Variants in LARGE1 observed in about 807,000 individuals in gnomAD.
LARGE1 encodes the protein xylosyl- and glucuronyltransferase LARGE1.
In LARGE1, 43 loss-of-function variants were observed where a neutral mutation model predicts 87.6. The ratio of observed to expected loss-of-function variants is 0.49; its 90% CI spans 0.38 to 0.63. The LOEUF is 0.63. LARGE1 is among the 30% of genes least tolerant of loss of function. LARGE1 has a pLI of 0.00. For missense variants in LARGE1, 802 were observed against 1,000.2 expected, an observed-to-expected ratio of 0.80 and a Z score of 2.67; for synonymous variants, 434 against 394.6, an observed-to-expected ratio of 1.10 and a Z score of -1.18.
intron 11 of LARGE1, among the ~76,000 whole-genome samples, chr22:33,226,315 C>A (rs1189356728): frequency 6.6e-6 from 1 of 152,226 alleles, no homozygotes; most frequent in African/African-American, 2.4e-5. Context: ...ATATCTATTT[C>A]TCCACCGTAG....
chr22:33,192,284 G>A (rs1396454984), intron 11 of LARGE1, among the ~76,000 whole-genome samples: 1 of 152,196 alleles, frequency 6.6e-6, no homozygotes, highest in Non-Finnish European at 1.5e-5. Flanking sequence ...TCTCACTTGT[G>A]TGTTAACTCA....
At chr22:33,208,452 C>G (rs978415516) in intron 11 of LARGE1, among the ~76,000 whole-genome samples, 1 of 152,202 alleles carries the variant, frequency 6.6e-6, no homozygotes, top group Non-Finnish European at 1.5e-5. Flanking sequence ...AACGTTGTTA[C>G]TCATTGTAGT....
rs1932920395 is a variant in LARGE1 at position 33,294,045 on chromosome 22, T to C, written c.1730+10184A>G. ...AGGCATCTTTCTACTCTCTCTTTTC[T>C]CACCAGGATGACTGACTTTCAGCCC... is the stretch of plus-strand genomic sequence containing the variant. On this transcript the variant is annotated intron_variant, in intron 12 of 14. Transcript: ENST00000397394. 1.3e-5 allele frequency among the ~76,000 whole-genome samples: 2 copies of C among 152,218 alleles called. 1 individual carries two copies. Among genetic ancestry groups the C allele is most frequent in the South Asian group, 4.1e-4 (2 of 4,832 alleles).
intron 1 of LARGE1, among the ~76,000 whole-genome samples, chr22:33,795,855 G>C (rs922173668): frequency 5.9e-5 from 9 of 152,042 alleles, no homozygotes; most frequent in South Asian, 2.1e-4. Flanking sequence ...GTCGTGGGGT[G>C]GGGGGAGGTG....
chr22:33,109,223 T>G, the LARGE1 span: 1 of 152,094 alleles, frequency 6.6e-6, no homozygotes, highest in African/African-American at 2.4e-5. Flanking sequence ...CTCTACCATC[T>G]AACAAGCCAG....
intron 1 of LARGE1, among the ~76,000 whole-genome samples, chr22:33,878,521 C>A (rs188412173): frequency 6.6e-6 from 1 of 152,306 alleles, no homozygotes; most frequent in East Asian, 1.9e-4. Context: ...AAGGAATTTT[C>A]AATCCCAGCT....
At chr22:33,599,439 G>A (rs570328239) in intron 5 of LARGE1, among the ~76,000 whole-genome samples, 2 of 152,266 alleles carry the variant, frequency 1.3e-5, no homozygotes, top group South Asian at 4.1e-4. Context: ...CTTCAGTCCT[G>A]GTAGCCTGTT....
At chr22:33,388,303 G>A (rs987824533) in intron 7 of LARGE1, among the ~76,000 whole-genome samples, 1 of 152,332 alleles carries the variant, frequency 6.6e-6, no homozygotes, top group Non-Finnish European at 1.5e-5. Context: ...CGAGAGCTTA[G>A]CTAGGGTGCA....
intron 1 of LARGE1, among the ~76,000 whole-genome samples, chr22:33,840,693 A>C (rs2063255673): frequency 6.6e-6 from 1 of 151,984 alleles, no homozygotes; most frequent in Non-Finnish European, 1.5e-5. Context: ...TTTTCTGGGA[A>C]AGGGTCTCGC....
chr22:33,149,236 G>A, the LARGE1 span, among the ~76,000 whole-genome samples: 11 of 151,638 alleles, frequency 7.3e-5, no homozygotes, highest in African/African-American at 2.7e-4. Flanking sequence ...TAGAGACGGG[G>A]TTTCACTGTG....
chr22:33,837,467 G>C (rs989602581), intron 1 of LARGE1, among the ~76,000 whole-genome samples: 31 of 152,150 alleles, frequency 2.0e-4, no homozygotes, highest in African/African-American at 7.5e-4. Context: ...ACATCTTCAA[G>C]AAAGGCTAAT....
chr22:33,251,588 G>T (rs1312197678), intron 11 of LARGE1, among the ~76,000 whole-genome samples: 1 of 152,158 alleles, frequency 6.6e-6, no homozygotes, highest in Non-Finnish European at 1.5e-5. Flanking sequence ...GCAACTCTTG[G>T]TAATAAAGGT....
intron 5 of LARGE1, among the ~76,000 whole-genome samples, chr22:33,589,590 CCACTT>C (rs1569294957): frequency 1.3e-5 from 2 of 152,044 alleles, no homozygotes; most frequent in African/African-American, 4.8e-5. Flanking sequence ...GCTGTGAACT[CCACTT>C]CCCTTCTGCT....
Position 33,696,503 on chromosome 22 carries a change from TCC to T in LARGE1, c.107-45837_107-45836del, listed in dbSNP as rs1271929463. On this transcript the variant is annotated intron_variant, in intron 2 of 14. Transcript: ENST00000397394. ...GTCTCGAGCTCCTGACCTCAATCAA[TCC>T]GCCCGCCTTGGCCTCCCAAAGTGCT... Among the ~76,000 whole-genome samples, 5 of 152,150 alleles carry T rather than the reference TCC, an allele frequency of 3.3e-5. No individual in the cohort carries two copies. The South Asian group carries it at 1.0e-3, about 32-fold the overall frequency.
At chr22:33,488,874 G>A (rs928006656) in intron 6 of LARGE1, among the ~76,000 whole-genome samples, 1 of 152,192 alleles carries the variant, frequency 6.6e-6, no homozygotes, top group Non-Finnish European at 1.5e-5. Context: ...TCCTTGCGAA[G>A]TGCAAATGTA....
intron 2 of LARGE1, among the ~76,000 whole-genome samples, chr22:33,683,717 A>G (rs2149311689): frequency 6.6e-6 from 1 of 151,926 alleles, no homozygotes; most frequent in East Asian, 1.9e-4. Context: ...GTTAGGCAAT[A>G]TACCCAAAGA....
intron 1 of LARGE1, among the ~76,000 whole-genome samples, chr22:33,817,820 C>T (rs756342181): frequency 3.9e-5 from 6 of 152,116 alleles, no homozygotes; most frequent in South Asian, 2.1e-4. Flanking sequence ...ACAACTTCCC[C>T]GCTAGGTCAA....
chr22:33,563,379 T>A (rs967094361), intron 6 of LARGE1: 5 of 152,024 alleles, frequency 3.3e-5, no homozygotes, highest in African/African-American at 1.2e-4. Context: ...CATCTCCTCA[T>A]TTGCAGAGCC....
chr22:33,630,378 G>A (rs982742822), intron 3 of LARGE1, among the ~76,000 whole-genome samples: 2 of 152,128 alleles, frequency 1.3e-5, no homozygotes, highest in African/African-American at 4.8e-5. Context: ...GCCTATCATC[G>A]TTAGGTGACT....
Sources: gnomAD v4.1 joint callset for allele counts (sites outside exome capture counted in the v4.1 genomes callset) on GRCh38, gnomAD v4.1.1 for gene constraint, MANE v1.5 for transcripts, NCBI Gene and HGNC (gene_info 2026-07-23, HGNC 2026-07-21) for gene names.